The following NCOA7 variants were observed in gnomAD, a reference collection of about 807,000 sequenced individuals.
NCOA7 encodes the protein 140 kDa estrogen receptor-associated protein.
NCOA7 carries 45 observed loss-of-function variants against 104.3 expected under a neutral mutation model. The ratio of observed to expected loss-of-function variants is 0.43; its 90% CI spans 0.34 to 0.55. NCOA7 has a LOEUF of 0.55. Ranked by LOEUF, NCOA7 falls within the 20% of genes least tolerant of loss-of-function variation. NCOA7 has a pLI of 0.02. For synonymous variants in NCOA7, 398 were observed against 402.3 expected (o/e 0.99, Z 0.13); for missense variants, 1,041 against 1,119.7 (o/e 0.93, Z 1.00).
intron 3 of NCOA7, among the ~76,000 whole-genome samples, chr6:125,861,372 T>G (rs1782035953): frequency 6.6e-6 from 1 of 152,214 alleles, no homozygotes; most frequent in Non-Finnish European, 1.5e-5. Context: ...GAGCCAAAGT[T>G]ATGTTATATT....
chr6:125,841,002 C>T (rs1478693554), intron 2 of NCOA7, among the ~76,000 whole-genome samples: 3 of 147,736 alleles, frequency 2.0e-5, no homozygotes, highest in Non-Finnish European at 4.5e-5. Flanking sequence ...AAATGATTCT[C>T]CTGCCTGAGC....
At chr6:125,849,792 A>G (rs1338146204) in intron 2 of NCOA7, among the ~76,000 whole-genome samples, 1 of 152,174 alleles carries the variant, frequency 6.6e-6, no homozygotes, top group Non-Finnish European at 1.5e-5. Context: ...ACAAATGCAA[A>G]ATAAAGGTTT....
chr6:125,813,254 G>A (rs1014774306), intron 1 of NCOA7, among the ~76,000 whole-genome samples: 1 of 152,096 alleles, frequency 6.6e-6, no homozygotes. Context: ...TGCAGTGAAG[G>A]GGGTGGGCTG....
At chr6:125,843,952 T>C (rs1780375168) in intron 2 of NCOA7, among the ~76,000 whole-genome samples, 2 of 152,240 alleles carry the variant, frequency 1.3e-5, no homozygotes, top group Non-Finnish European at 2.9e-5. Flanking sequence ...ATTTTGATCC[T>C]GGTACTGGGG....
chr6:125,880,362 A>G (rs1328141793), intron 5 of NCOA7, among the ~76,000 whole-genome samples: 1 of 151,896 alleles, frequency 6.6e-6, no homozygotes, highest in Non-Finnish European at 1.5e-5. Context: ...TTTCCCTTAT[A>G]CTATTAGTCT....
At chr6:125,853,353 A>G (rs1197021968) in intron 2 of NCOA7, among the ~76,000 whole-genome samples, 1 of 152,174 alleles carries the variant, frequency 6.6e-6, no homozygotes, top group Non-Finnish European at 1.5e-5. Context: ...TGGCAAACAG[A>G]GATAGTTTGA....
In NCOA7 at chr6:125,889,733, T is replaced by C; in HGVS notation, c.1679T>C (p.Leu560Pro). 1 of 1,613,242 alleles carries C rather than the reference T, an allele frequency of 6.2e-7. No individual in the cohort carries two copies. The highest frequency in any genetic ancestry group is 1.1e-5 in the South Asian group (1 of 90,916). Residue 560 changes from leucine (L) to proline (P), a missense_variant, in exon 9 of 16, where the codon CTT becomes CCT. Leu to Pro is a moderately conservative substitution (Grantham distance 98). Around this residue, in one of 2 missense-constraint regions of NCOA7, gnomAD observed 914 missense variants for 942.7 expected, o/e 0.97. Transcript: ENST00000392477. ...GAACCAGGGGGAATAGACATTACCC[T>C]TAGTAGTTCTCTTTCCCAGGCGGGT... ...SIEPGGIDIT[L>P]SSSLSQAGDP...
At chr6:125,924,138 T>C (rs2128700172) in intron 13 of NCOA7, among the ~76,000 whole-genome samples, 1 of 152,366 alleles carries the variant, frequency 6.6e-6, no homozygotes, top group African/African-American at 2.4e-5. Flanking sequence ...CAGAATTGGA[T>C]GTTATATTTT....
intron 7 of NCOA7, among the ~76,000 whole-genome samples, chr6:125,882,861 A>G (rs1248307749): frequency 1.3e-5 from 2 of 152,214 alleles, no homozygotes; most frequent in Non-Finnish European, 2.9e-5. Flanking sequence ...AGTCAGACTC[A>G]CTGAATTTAA....
At chr6:125,856,341 G>GT (rs200944845) in intron 3 of NCOA7, among the ~76,000 whole-genome samples, 1,759 of 139,982 alleles carry the variant, frequency 0.013, 108 homozygotes, top group Admixed American at 0.11. Flanking sequence ...ATGTCTCCAT[G>GT]TTTTTTTGTT....
intron 13 of NCOA7, among the ~76,000 whole-genome samples, chr6:125,923,407 A>T (rs1473252046): frequency 1.3e-5 from 2 of 152,154 alleles, no homozygotes; most frequent in Non-Finnish European, 2.9e-5. Flanking sequence ...TCTTTCTTGG[A>T]GGAACTAGTG....
intron 1 of NCOA7, among the ~76,000 whole-genome samples, chr6:125,794,346 T>C (rs903426273): frequency 3.3e-5 from 5 of 152,186 alleles, no homozygotes; most frequent in African/African-American, 1.2e-4. Flanking sequence ...TATTTCCCTT[T>C]CTAACTTGGC....
chr6:125,900,688 G>A (rs1785421574), intron 10 of NCOA7, among the ~76,000 whole-genome samples: 1 of 152,138 alleles, frequency 6.6e-6, no homozygotes, highest in Non-Finnish European at 1.5e-5. Flanking sequence ...TAGCAAAAAA[G>A]GACCTGTCTA....
In NCOA7 at chr6:125,837,090, C is replaced by G. The variant is rs1037276126; in HGVS notation, c.51-17930C>G. On this transcript the variant is annotated intron_variant, in intron 2 of 15. Transcript: ENST00000392477. ...AAATGTTGAGTGAAGTTTGATTTCT[C>G]TCATTGTATGTGTGTAAAGCGACTT... 3.9e-5 allele frequency among the ~76,000 whole-genome samples: 6 copies of G among 152,180 alleles called. No individual in the cohort carries two copies. In the South Asian group the frequency reaches 6.2e-4, roughly 16 times the overall value.
chr6:125,837,868 A>G (rs967115769), intron 2 of NCOA7, among the ~76,000 whole-genome samples: 2 of 152,246 alleles, frequency 1.3e-5, no homozygotes, highest in African/African-American at 4.8e-5. Flanking sequence ...AATTGGCATG[A>G]AAAATGGGAC....
intron 10 of NCOA7, among the ~76,000 whole-genome samples, chr6:125,915,112 G>C (rs369067291): frequency 1.3e-5 from 2 of 152,144 alleles, no homozygotes; most frequent in African/African-American, 4.8e-5. Flanking sequence ...CAAATTGAAA[G>C]ACAGTTTTAA....
intron 3 of NCOA7, among the ~76,000 whole-genome samples, chr6:125,857,893 G>T (rs538302416): frequency 6.6e-6 from 1 of 151,684 alleles, no homozygotes; most frequent in East Asian, 1.9e-4. Flanking sequence ...AGCCCAAAGC[G>T]TATGCTTTTT....
chr6:125,882,133 C>T (rs1030474828), intron 6 of NCOA7, among the ~76,000 whole-genome samples: 2 of 152,236 alleles, frequency 1.3e-5, no homozygotes, highest in African/African-American at 2.4e-5. Flanking sequence ...GGATTACAGG[C>T]GTGAGCCACC....
intron 1 of NCOA7, chr6:125,797,785 GTTT>G (rs1387451710): frequency 6.6e-6 from 1 of 152,220 alleles, no homozygotes; most frequent in Non-Finnish European, 1.5e-5. Flanking sequence ...CTCATCCCTA[GTTT>G]CCGGTGATTT....
Sources: allele counts gnomAD v4.1 joint callset (sites outside exome capture counted in the v4.1 genomes callset), GRCh38; gene constraint gnomAD v4.1.1; regional missense constraint gnomAD v4.1.1; transcripts MANE v1.5; gene names NCBI Gene and HGNC (gene_info 2026-07-23, HGNC 2026-07-21).